The following TCFL5 variants were observed in gnomAD, a reference collection of about 807,000 sequenced individuals.
TCFL5 encodes transcription factor-like 5 protein.
In TCFL5, 9 loss-of-function variants were observed where a neutral mutation model predicts 44.3. That is an observed-to-expected ratio of 0.20 (90% confidence interval 0.12 to 0.35). The LOEUF (loss-of-function observed/expected upper bound fraction) is 0.35, where lower values mean the gene tolerates loss of function less well. TCFL5 is among the 10% of genes least tolerant of loss of function. The probability of loss-of-function intolerance (pLI) is 1.00; values close to 1 mark genes in which losing one functional copy is unlikely to be tolerated. For missense variants in TCFL5, 603 were observed against 613.4 expected, an observed-to-expected ratio of 0.98 and a Z score of 0.18; for synonymous variants, 319 against 271.6, an observed-to-expected ratio of 1.17 and a Z score of -1.72.
intron 5 of TCFL5, among the ~76,000 whole-genome samples, chr20:62,849,316 T>A (rs1016905756): frequency 6.6e-5 from 10 of 152,158 alleles, no homozygotes; most frequent in Non-Finnish European, 1.3e-4. Flanking sequence ...TTTGTACTGT[T>A]CTTGCAATTT....
At chr20:62,850,900 G>A (rs143224636) in intron 5 of TCFL5, among the ~76,000 whole-genome samples, 4 of 152,036 alleles carry the variant, frequency 2.6e-5, no homozygotes, top group African/African-American at 7.2e-5. Context: ...CCCCGAGTCC[G>A]GCTGGCTCGC....
In TCFL5 at chr20:62,859,413, T is replaced by C; in HGVS notation, c.945A>G (p.Leu315=). The change falls in exon 3 of 6, where the codon TTA becomes TTG. Residue 315 remains leucine (L), a synonymous_variant. Coordinates refer to ENST00000335351, the MANE Select transcript of TCFL5 (RefSeq NM_006602.4). ...CAGGCAAAACTTTGTTTCTACTACC[T>C]AACGTCTGTTTAGTGGATTCAATTT... ...QQEIESTKQT[L]GSRNKVLPEQ... The C allele has an allele frequency of 1.2e-6, 2 of 1,613,576 alleles. No individual in the cohort carries two copies. The highest frequency in any genetic ancestry group is 1.7e-6 in the Non-Finnish European group (2 of 1,179,618).
At chr20:62,859,604 TAACAA>T in intron 2 of TCFL5, 78 bp from the exon 3 acceptor site, 1 of 1,357,992 alleles carries the variant, frequency 7.4e-7, no homozygotes, top group Non-Finnish European at 1.0e-6. Context: ...GAAATGCACT[TAACAA>T]ACATCAAAAC....
At chr20:62,851,726 C>T in intron 5 of TCFL5, 1 of 985,432 alleles carries the variant, frequency 1.0e-6, no homozygotes, top group Non-Finnish European at 1.2e-6. Context: ...ACAAGACAAA[C>T]TATTGCCTGG....
chr20:62,841,099 A>C lies in TCFL5; in HGVS notation c.*876T>G. 1 of 236,232 alleles carries C rather than the reference A, an allele frequency of 4.2e-6. No individual in the cohort carries two copies. 14.6% of individuals were successfully genotyped at this position (236,232 alleles called of 1,614,324 possible). A position where few individuals can be genotyped will look rare whatever the true frequency, so the allele number is the denominator to read the frequency against. ...AATGATATATTAAACCTTCAGATTA[A>C]TGACTGGCTACAGAGTAACAAAAAA... On this transcript the variant is annotated 3_prime_UTR_variant, in exon 6 of 6. Transcript: ENST00000335351.
intron 5 of TCFL5, among the ~76,000 whole-genome samples, chr20:62,849,326 T>C (rs1316005203): frequency 2.0e-5 from 3 of 152,186 alleles, no homozygotes; most frequent in African/African-American, 7.2e-5. Flanking sequence ...TCTTGCAATT[T>C]TTCTGTAAGT....
In TCFL5 at chr20:62,859,526, T is replaced by C. The variant is rs773969046; in HGVS notation, c.832A>G (p.Ser278Gly). ...AGTACAGAACATGAGTTACTAGAACTCTGGAAAAAAATGAAGCAACAGGAA... is the reference window on the plus strand; with the variant it reads ...AGTACAGAACATGAGTTACTAGAACCCTGGAAAAAAATGAAGCAACAGGAA... ...SGNSNLSQTQ[S>G]SSNSCSVLEA... Residue 278 changes from serine (S) to glycine (G), a missense_variant and splice_region_variant, in exon 3 of 6, where the codon AGT becomes GGT. Coordinates refer to ENST00000335351, the MANE Select transcript of TCFL5 (RefSeq NM_006602.4). 1.1e-5 allele frequency: 17 copies of C among 1,602,774 alleles called. No homozygotes were observed. Among genetic ancestry groups the C allele is most frequent in the Middle Eastern group, 1.7e-4 (1 of 6,050 alleles).
At chr20:62,851,446 A>G (rs2063808755) in intron 5 of TCFL5, 2 of 809,916 alleles carry the variant, frequency 2.5e-6, no homozygotes, top group Non-Finnish European at 3.0e-6. Flanking sequence ...AATCAGATCA[A>G]TAATGATTTA....
chr20:62,841,983 T>G lies in TCFL5; in HGVS notation c.1495A>C (p.Ile499Leu). 1 of 1,614,116 alleles carries G rather than the reference T, an allele frequency of 6.2e-7. No homozygotes were observed. Among genetic ancestry groups the G allele is most frequent in the Non-Finnish European group, 8.5e-7 (1 of 1,180,006 alleles). The part of the protein sequence containing the change: ...GSLQSSPSME[I>L]K Reference sequence around the variant, plus strand: ...ATTCCTGTTCAGTCCGATCACTTGATCTCCATCGAGGGGCTGCTCTGTAAA... The same window carrying G: ...ATTCCTGTTCAGTCCGATCACTTGAGCTCCATCGAGGGGCTGCTCTGTAAA... Residue 499 changes from isoleucine (I) to leucine (L), a missense_variant, in exon 6 of 6, where the codon ATC becomes CTC. Coordinates refer to ENST00000335351, the MANE Select transcript of TCFL5 (RefSeq NM_006602.4).
Position 62,842,013 on chromosome 20 carries a change from C to T in TCFL5, c.1465G>A (p.Gly489Arg), listed in dbSNP as rs1568771401. ...ATCGAGGGGCTGCTCTGTAAACTCC[C>T]CTGTGCAGGACAGGTCACCAAGGAG... ...PDSLVTCPAQ[G>R]SLQSSPSMEI... The change falls in exon 6 of 6, where the codon GGG (glycine) becomes AGG (arginine). Residue 489 changes from glycine to arginine, a missense_variant. Gly to Arg is a moderately radical substitution (Grantham distance 125). Transcript: ENST00000335351. The surrounding 1 kb of genome is among the most constrained non-coding windows in gnomAD (Gnocchi z 4.3). 1 of 1,614,196 alleles carries T rather than the reference C, an allele frequency of 6.2e-7. No individual in the cohort carries two copies. The highest frequency in any genetic ancestry group is 2.2e-5 in the East Asian group (1 of 44,892).
Position 62,861,206 on chromosome 20 carries a change from G to A in TCFL5, c.465C>T (p.Asp155=), listed in dbSNP as rs1393264233. ...CGCCCGCGCCCTCCTTGGCGGCGCC[G>A]TCGGCCCGGGCCCTCGCTCCGTCCC... ...GGGDGARARA[D]GAAKEGAGAA... The change falls in exon 1 of 6, where the codon GAC becomes GAT. Residue 155 remains aspartate, a synonymous_variant. Coordinates refer to ENST00000335351, the MANE Select transcript of TCFL5 (RefSeq NM_006602.4). The surrounding 1 kb of genome is among the most constrained non-coding windows in gnomAD (Gnocchi z 4.0). 5 of 1,057,442 alleles carry A rather than the reference G, an allele frequency of 4.7e-6. No homozygotes were observed. Among genetic ancestry groups the A allele is most frequent in the Admixed American group, 5.5e-5 (1 of 18,238 alleles). The allele number at this position is 1,057,442 out of a possible 1,614,324, so 65.5% of individuals were successfully genotyped here.
intron 5 of TCFL5, chr20:62,852,447 T>A: frequency 1.0e-6 from 1 of 977,010 alleles, no homozygotes; most frequent in Non-Finnish European, 1.2e-6. Context: ...ACTGACACCT[T>A]CTTCCTTTTA....
intron 5 of TCFL5, chr20:62,845,416 C>T: frequency 1.6e-6 from 2 of 1,236,372 alleles, no homozygotes; most frequent in South Asian, 3.3e-5. Context: ...AGCTACGACG[C>T]CCAGCTTCTT....
intron 3 of TCFL5, among the ~76,000 whole-genome samples, chr20:62,858,464 A>G (rs553484891): frequency 6.6e-6 from 1 of 152,374 alleles, no homozygotes; most frequent in Admixed American, 6.5e-5. Context: ...AAATGTGAAC[A>G]TATACTTTGG....
intron 5 of TCFL5, chr20:62,845,827 T>C (rs2063735347): frequency 6.3e-7 from 1 of 1,597,790 alleles, no homozygotes; most frequent in African/African-American, 1.3e-5. Flanking sequence ...TCTCTCATTA[T>C]AAAAGTGATT....
rs373672177 is a variant in TCFL5 at position 62,841,150 on chromosome 20, C to A, written c.*825G>T. 1 of 209,746 alleles carries A rather than the reference C, an allele frequency of 4.8e-6. No individual in the cohort carries two copies. The highest frequency in any genetic ancestry group is 9.8e-6 in the Non-Finnish European group (1 of 102,026). The allele number at this position is 209,746 out of a possible 1,614,324, so 13.0% of individuals were successfully genotyped here. A position where few individuals can be genotyped will look rare whatever the true frequency, so the allele number is the denominator to read the frequency against. ...TAAAGAATTTAATGTACAGTAAATTCTCTCCCATACAAAGGTCTAGTCTGA... is the reference window on the plus strand; with the variant it reads ...TAAAGAATTTAATGTACAGTAAATTATCTCCCATACAAAGGTCTAGTCTGA... On this transcript the variant is annotated 3_prime_UTR_variant, in exon 6 of 6. Transcript: ENST00000335351.
intron 4 of TCFL5, among the ~76,000 whole-genome samples, chr20:62,854,570 G>C (rs1374761871): frequency 6.6e-6 from 1 of 152,212 alleles, no homozygotes; most frequent in Non-Finnish European, 1.5e-5. Context: ...ATTCAAGACT[G>C]ATATTACTTG....
intron 5 of TCFL5, among the ~76,000 whole-genome samples, chr20:62,853,221 G>T (rs150564447): frequency 0.17 from 16,359 of 96,478 alleles, 1,496 homozygotes; most frequent in Non-Finnish European, 0.2. Flanking sequence ...AGAAGTATAT[G>T]CACCCAGTCC....
chr20:62,841,053 A>T lies in TCFL5; in HGVS notation c.*922T>A. ...TTGTTTACATAGCATTTGTGTAAAGACTATGATCTCATCCCAATAAAATGA... is the reference window on the plus strand; with the variant it reads ...TTGTTTACATAGCATTTGTGTAAAGTCTATGATCTCATCCCAATAAAATGA... On this transcript the variant is annotated 3_prime_UTR_variant, in exon 6 of 6. Coordinates refer to ENST00000335351, the MANE Select transcript of TCFL5 (RefSeq NM_006602.4). The T allele has an allele frequency of 3.1e-6, 1 of 323,730 alleles. No individual in the cohort carries two copies. The highest frequency in any genetic ancestry group is 5.9e-6 in the Non-Finnish European group (1 of 170,360). 20.1% of individuals were successfully genotyped at this position (323,730 alleles called of 1,614,324 possible). A position where few individuals can be genotyped will look rare whatever the true frequency, so the allele number is the denominator to read the frequency against.
Sources: allele counts gnomAD v4.1 joint callset (sites outside exome capture counted in the v4.1 genomes callset), GRCh38; gene constraint gnomAD v4.1.1; non-coding constraint Gnocchi (gnomAD v3.1); transcripts MANE v1.5; gene names NCBI Gene and HGNC (gene_info 2026-07-23, HGNC 2026-07-21).